The following SEMA3E variants were observed in gnomAD, a reference collection of about 807,000 sequenced individuals.
SEMA3E encodes semaphorin-3E.
In SEMA3E, 49 loss-of-function variants were observed where a neutral mutation model predicts 93.6. That is an observed-to-expected ratio of 0.52 (90% CI 0.42 to 0.66). The LOEUF (loss-of-function observed/expected upper bound fraction) is 0.66. Ranked by LOEUF, SEMA3E falls within the 30% of genes least tolerant of loss-of-function variation. SEMA3E has a pLI of 0.00. For synonymous variants in SEMA3E, 363 were observed against 330.7 expected (o/e 1.10, Z -1.06); for missense variants, 906 against 964.8 (o/e 0.94, Z 0.81).
At chr7:83,458,951 A>G (rs1023644326) in intron 4 of SEMA3E, among the ~76,000 whole-genome samples, 32 of 74,734 alleles carry the variant, frequency 4.3e-4, no homozygotes, top group East Asian at 1.1e-3. Flanking sequence ...ACACATATGT[A>G]TATGTGTGTG....
chr7:83,482,672 A>G (rs910988404), intron 2 of SEMA3E, among the ~76,000 whole-genome samples: 1 of 151,814 alleles, frequency 6.6e-6, no homozygotes. Context: ...TCACTCTTTC[A>G]TTACATCTTC....
chr7:83,392,909 A>T (rs1361004804), intron 13 of SEMA3E, among the ~76,000 whole-genome samples, 188 bp from the exon 14 acceptor site: 4 of 151,918 alleles, frequency 2.6e-5, no homozygotes, highest in African/African-American at 9.7e-5. Context: ...CTCTACTAAA[A>T]ATACAAAAAA....
rs919228737 is a variant in SEMA3E at position 83,648,453 on chromosome 7, G to A, written c.90C>T (p.His30=). ...CTTTATGTGACAGGCGTAACCGGGG[G>A]TGGGTAGTATCAGCTGTATGACCTC... ...WTGGHTADTT[H]PRLRLSHKEL... Residue 30 remains histidine, a synonymous_variant, in exon 1 of 17, where the codon CAC becomes CAT. Coordinates refer to ENST00000643230, the MANE Select transcript of SEMA3E (RefSeq NM_012431.3). 3.7e-5 allele frequency: 59 copies of A among 1,611,912 alleles called. No homozygotes were observed. Among genetic ancestry groups the A allele is most frequent in the Non-Finnish European group, 4.2e-5 (50 of 1,179,026 alleles).
chr7:83,401,039 A>G (rs936021446), intron 10 of SEMA3E, among the ~76,000 whole-genome samples: 2 of 152,128 alleles, frequency 1.3e-5, no homozygotes, highest in African/African-American at 2.4e-5. Context: ...GTTAATTATC[A>G]ATGGCAAAAA....
chr7:83,621,656 T>A (rs553701145), intron 1 of SEMA3E, among the ~76,000 whole-genome samples: 2 of 152,220 alleles, frequency 1.3e-5, no homozygotes, highest in East Asian at 3.9e-4. Context: ...CATTGACCGA[T>A]GGAACAGAAT....
At chr7:83,447,425 C>A (rs1328164667) in intron 4 of SEMA3E, among the ~76,000 whole-genome samples, 1 of 152,060 alleles carries the variant, frequency 6.6e-6, no homozygotes, top group African/African-American at 2.4e-5. Context: ...GTAGTCCCAG[C>A]TACTCAGGAG....
chr7:83,618,898 A>G (rs1793486839), intron 1 of SEMA3E, among the ~76,000 whole-genome samples: 2 of 151,940 alleles, frequency 1.3e-5, no homozygotes, highest in African/African-American at 4.8e-5. Context: ...CACATATGAT[A>G]CTGCAGGCAT....
At chr7:83,383,953 ATACTT>A (rs1787831733) in intron 16 of SEMA3E, among the ~76,000 whole-genome samples, 1 of 152,048 alleles carries the variant, frequency 6.6e-6, no homozygotes, top group African/African-American at 2.4e-5. Flanking sequence ...GAAGTGGAAA[ATACTT>A]TAATACTAAA....
Position 83,546,320 on chromosome 7 carries a change from G to A in SEMA3E, c.116-56046C>T, listed in dbSNP as rs894444288. On this transcript the variant is annotated intron_variant, in intron 1 of 16. Coordinates refer to ENST00000643230, the MANE Select transcript of SEMA3E (RefSeq NM_012431.3). Reference sequence around the variant, plus strand: ...ACATGTTAAGATGCATTATAATAAGGGGTGTGTGTGTGTGTGTGTGTGTGT... The same window carrying A: ...ACATGTTAAGATGCATTATAATAAGAGGTGTGTGTGTGTGTGTGTGTGTGT... Among the ~76,000 whole-genome samples the A allele has an allele frequency of 3.4e-5, 3 of 88,460 alleles. No individual in the cohort carries two copies. The Admixed American group carries it at 4.1e-4, about 12-fold the overall frequency. 58.0% of individuals were successfully genotyped at this position (88,460 alleles called of 152,430 possible). A position where few individuals can be genotyped will look rare whatever the true frequency, so the allele number is the denominator to read the frequency against.
At chr7:83,401,040 A>T (rs1050418203) in intron 10 of SEMA3E, among the ~76,000 whole-genome samples, 17 of 152,148 alleles carry the variant, frequency 1.1e-4, no homozygotes, top group Admixed American at 3.3e-4. Context: ...TTAATTATCA[A>T]TGGCAAAAAG....
At chr7:83,593,241 G>A (rs1609931) in intron 1 of SEMA3E, among the ~76,000 whole-genome samples, 5 of 118,832 alleles carry the variant, frequency 4.2e-5, no homozygotes, top group East Asian at 4.8e-4. Flanking sequence ...TCTCTCTTTC[G>A]CTCTTTCTCT....
At chr7:83,553,988 T>G (rs1388411095) in intron 1 of SEMA3E, among the ~76,000 whole-genome samples, 1 of 152,162 alleles carries the variant, frequency 6.6e-6, no homozygotes, top group Non-Finnish European at 1.5e-5. Context: ...TTTTTAACTT[T>G]TTAAAAAATT....
chr7:83,386,489 T>G (rs2116918380), intron 15 of SEMA3E, among the ~76,000 whole-genome samples: 1 of 152,240 alleles, frequency 6.6e-6, no homozygotes, highest in African/African-American at 2.4e-5. Flanking sequence ...ACCACCACCC[T>G]ATCACCTTTA....
chr7:83,524,483 C>T (rs936267691), intron 1 of SEMA3E, among the ~76,000 whole-genome samples: 1 of 152,012 alleles, frequency 6.6e-6, no homozygotes, highest in Non-Finnish European at 1.5e-5. Context: ...TTAGAGAGCA[C>T]ATTTGTGCAG....
intron 1 of SEMA3E, among the ~76,000 whole-genome samples, chr7:83,643,536 C>A (rs1253732768): frequency 6.6e-6 from 1 of 151,956 alleles, no homozygotes; most frequent in African/African-American, 2.4e-5. Context: ...AATGCAACAT[C>A]CAGATAAGAA....
chr7:83,606,424 A>C (rs977557760), intron 1 of SEMA3E, among the ~76,000 whole-genome samples: 2 of 151,604 alleles, frequency 1.3e-5, no homozygotes, highest in African/African-American at 4.9e-5. Flanking sequence ...ATGGAATACT[A>C]TGCAGCCATA....
At chr7:83,410,628 A>G (rs1417695467) in intron 5 of SEMA3E, among the ~76,000 whole-genome samples, 4 of 152,072 alleles carry the variant, frequency 2.6e-5, no homozygotes, top group Non-Finnish European at 5.9e-5. Context: ...TTGAGACCAA[A>G]TGCATAAATG....
rs58557564 is a variant in SEMA3E at position 83,411,456 on chromosome 7, T to C, written c.551-2969A>G. Reference sequence around the variant, plus strand: ...AGAAGGGAGAGATATTCCTTTCATATCTTCATATCAATGCAAATTTAAAAA... The same window carrying C: ...AGAAGGGAGAGATATTCCTTTCATACCTTCATATCAATGCAAATTTAAAAA... On this transcript the variant is annotated intron_variant, in intron 5 of 16. Transcript: ENST00000643230. Among the ~76,000 whole-genome samples, 4 of 152,106 alleles carry C rather than the reference T, an allele frequency of 2.6e-5. No individual in the cohort carries two copies. The East Asian group carries it at 7.7e-4, about 29-fold the overall frequency.
intron 1 of SEMA3E, among the ~76,000 whole-genome samples, chr7:83,639,113 A>AAAAAAAAAAAAAAAAAG: frequency 1.3e-5 from 1 of 79,022 alleles, no homozygotes; most frequent in Non-Finnish European, 2.4e-5. Context: ...TCCGTCTCAA[A>AAAAAAAAAAAAAAAAAG]AAAAAAAAAA....
Sources: allele counts gnomAD v4.1 joint callset (sites outside exome capture counted in the v4.1 genomes callset), GRCh38; gene constraint gnomAD v4.1.1; transcripts MANE v1.5; gene names NCBI Gene and HGNC (gene_info 2026-07-23, HGNC 2026-07-21).